PDE4D: variants seen among roughly 807,000 people sequenced by gnomAD.
PDE4D encodes the protein 3',5'-cyclic-AMP phosphodiesterase 4D.
Under a neutral mutation model 87.4 loss-of-function variants are expected in PDE4D, and 24 were observed. The ratio of observed to expected loss-of-function variants is 0.27; its 90% CI spans 0.20 to 0.39. The LOEUF (loss-of-function observed/expected upper bound fraction) is 0.39, where lower values mean the gene tolerates loss of function less well. Ranked by LOEUF, PDE4D falls within the 10% of genes least tolerant of loss-of-function variation. PDE4D has a pLI of 1.00. For synonymous variants in PDE4D, 384 were observed against 383.2 expected (o/e 1.00, Z -0.02); for missense variants, 714 against 1,041.0 (o/e 0.69, Z 4.32).
chr5:59,586,284 G>C, intron 1 of PDE4D: 1 of 1,410,090 alleles, frequency 7.1e-7, no homozygotes, highest in Non-Finnish European at 1.0e-6. Flanking sequence ...CACGGAATTT[G>C]ATAATTCTGA....
chr5:59,004,581 T>C (rs1751199310), intron 6 of PDE4D, among the ~76,000 whole-genome samples: 1 of 152,376 alleles, frequency 6.6e-6, no homozygotes, highest in Non-Finnish European at 1.5e-5. Flanking sequence ...ATCTTCACAA[T>C]ATACACTATT....
intron 1 of PDE4D, among the ~76,000 whole-genome samples, chr5:60,404,732 G>A (rs1163477094): frequency 1.3e-5 from 2 of 152,176 alleles, no homozygotes; most frequent in Admixed American, 6.5e-5. Flanking sequence ...AGGGAATAAG[G>A]GCTCCGTAAC....
intron 1 of PDE4D, among the ~76,000 whole-genome samples, chr5:59,251,517 C>CA (rs777762436): frequency 1.6e-4 from 24 of 151,966 alleles, no homozygotes; most frequent in Admixed American, 7.2e-4. Flanking sequence ...ATTAAAAAGA[C>CA]AAAAAATAAC....
chr5:59,297,701 A>AAATG (rs924601965), intron 1 of PDE4D, among the ~76,000 whole-genome samples: 1 of 152,146 alleles, frequency 6.6e-6, no homozygotes, highest in African/African-American at 2.4e-5. Context: ...AATATTGGGC[A>AAATG]AATGAATGAA....
chr5:60,166,412 T>TA (rs1475984369), intron 2 of PDE4D, among the ~76,000 whole-genome samples: 1 of 152,222 alleles, frequency 6.6e-6, no homozygotes, highest in Non-Finnish European at 1.5e-5. Context: ...AAATAAAAAT[T>TA]AAAAAACTCT....
chr5:60,374,405 TA>T (rs1761272951), intron 1 of PDE4D, among the ~76,000 whole-genome samples: 1 of 152,142 alleles, frequency 6.6e-6, no homozygotes, highest in Non-Finnish European at 1.5e-5. Flanking sequence ...GGGGATTCTT[TA>T]AAAAGAAGAA....
chr5:60,098,198 G>A (rs1775869290), intron 2 of PDE4D, among the ~76,000 whole-genome samples: 1 of 151,864 alleles, frequency 6.6e-6, no homozygotes, highest in East Asian at 1.9e-4. Flanking sequence ...CAGAAATATG[G>A]TTAAATAGAA....
At chr5:59,230,636 T>A (rs984036630) in intron 1 of PDE4D, among the ~76,000 whole-genome samples, 5 of 152,210 alleles carry the variant, frequency 3.3e-5, no homozygotes, top group Non-Finnish European at 5.9e-5. Flanking sequence ...CTTTAAAATA[T>A]AACCGAATTC....
intron 1 of PDE4D, among the ~76,000 whole-genome samples, chr5:59,822,170 T>G (rs1233536668): frequency 2.6e-5 from 4 of 152,194 alleles, no homozygotes; most frequent in Non-Finnish European, 5.9e-5. Flanking sequence ...TTACTTTCTT[T>G]TTGTTATTTA....
At chr5:59,534,356 G>C (rs1177278215) in intron 1 of PDE4D, among the ~76,000 whole-genome samples, 1 of 152,162 alleles carries the variant, frequency 6.6e-6, no homozygotes, top group East Asian at 1.9e-4. Context: ...ATATTGTATG[G>C]TCTATAGTTT....
intron 2 of PDE4D, among the ~76,000 whole-genome samples, chr5:60,040,377 C>A (rs1450909520): frequency 2.0e-5 from 3 of 152,142 alleles, no homozygotes; most frequent in Non-Finnish European, 4.4e-5. Flanking sequence ...CCAATTTCCC[C>A]TTTGAATAAA....
chr5:59,293,114 T>C (rs1728280857), intron 1 of PDE4D, among the ~76,000 whole-genome samples: 1 of 152,178 alleles, frequency 6.6e-6, no homozygotes, highest in Admixed American at 6.5e-5. Context: ...AAGAATACAA[T>C]TCTCCTTAAT....
intron 1 of PDE4D, among the ~76,000 whole-genome samples, chr5:60,404,980 G>A (rs1216241735): frequency 6.6e-6 from 1 of 152,236 alleles, no homozygotes; most frequent in Non-Finnish European, 1.5e-5. Context: ...GTTCAAAGAT[G>A]CAGCCACCTG....
chr5:59,173,643 A>G (rs576056222), intron 5 of PDE4D, among the ~76,000 whole-genome samples: 1 of 152,328 alleles, frequency 6.6e-6, no homozygotes, highest in East Asian at 1.9e-4. Context: ...ACATTTCTTA[A>G]AAAGCTTAAT....
chr5:59,035,648 A>G (rs1038046108), intron 6 of PDE4D, among the ~76,000 whole-genome samples: 4 of 152,214 alleles, frequency 2.6e-5, no homozygotes, highest in Non-Finnish European at 5.9e-5. Context: ...GATAGTTATT[A>G]TGGTGCCCAT....
At chr5:60,132,282 T>C (rs1010677034) in intron 2 of PDE4D, among the ~76,000 whole-genome samples, 1 of 152,212 alleles carries the variant, frequency 6.6e-6, no homozygotes, top group African/African-American at 2.4e-5. Flanking sequence ...CTAAATTTCA[T>C]ACTCAGGAAA....
chr5:59,919,859 G>A (rs1334938554), intron 3 of PDE4D, among the ~76,000 whole-genome samples: 1 of 152,132 alleles, frequency 6.6e-6, no homozygotes, highest in Non-Finnish European at 1.5e-5. Flanking sequence ...GATTAATTTG[G>A]TCTGTTGAGA....
intron 1 of PDE4D, among the ~76,000 whole-genome samples, chr5:60,358,050 G>A (rs1017479013): frequency 7.9e-5 from 12 of 152,110 alleles, no homozygotes; most frequent in African/African-American, 2.7e-4. Flanking sequence ...AAAACCCTGT[G>A]GCACTGAGGG....
chr5:59,719,961 A>AT (rs1468209434), intron 1 of PDE4D, among the ~76,000 whole-genome samples: 1 of 152,142 alleles, frequency 6.6e-6, no homozygotes, highest in African/African-American at 2.4e-5. Context: ...CTCAACTGGT[A>AT]TTTTTCCCAT....
Sources: allele counts gnomAD v4.1 joint callset (sites outside exome capture counted in the v4.1 genomes callset), GRCh38; gene constraint gnomAD v4.1.1; transcripts MANE v1.5; gene names NCBI Gene and HGNC (gene_info 2026-07-23, HGNC 2026-07-21).